Variants in BCAS1 observed in about 807,000 individuals in gnomAD.
BCAS1 encodes the protein breast carcinoma-amplified sequence 1.
In BCAS1, 46 loss-of-function variants were observed where a neutral mutation model predicts 65.4. The observed-to-expected ratio is 0.70, with a 90% CI of 0.55 to 0.90. BCAS1 has a LOEUF of 0.90. Among genes scored for constraint, BCAS1 ranks in the 40% least tolerant of loss-of-function variants. The pLI is 0.00. For missense variants in BCAS1, 793 were observed against 771.2 expected (o/e 1.03, Z -0.33); for synonymous variants, 298 against 293.5 (o/e 1.02, Z -0.16).
chr20:54,055,691 A>G (rs2092287070), intron 3 of BCAS1, among the ~76,000 whole-genome samples: 1 of 152,220 alleles, frequency 6.6e-6, no homozygotes, highest in Non-Finnish European at 1.5e-5. Flanking sequence ...TCAAAGTGGT[A>G]GCTGTAGCCC....
In BCAS1 at chr20:53,995,909, T is replaced by C. The variant is rs759239287; in HGVS notation, c.865A>G (p.Ser289Gly). 5.6e-6 allele frequency: 9 copies of C among 1,607,148 alleles called. No homozygotes were observed. In the Middle Eastern group the frequency reaches 6.6e-4, roughly 118 times the overall value. ...AIAENNNSIM[S>G]FFKTLVSPNK... ...CTGCTTACCAGAGTTTTAAAGAAACTCATGATGGAATTATTATTCTCTGCT... is the reference window on the plus strand; with the variant it reads ...CTGCTTACCAGAGTTTTAAAGAAACCCATGATGGAATTATTATTCTCTGCT... The change falls in exon 5 of 13, where the codon AGT becomes GGT. Residue 289 changes from serine to glycine, a missense_variant. By Grantham distance (56) the Ser-to-Gly change is moderately conservative. Coordinates refer to ENST00000688948, the MANE Select transcript of BCAS1 (RefSeq NM_001366298.2).
chr20:54,032,573 G>A (rs916106728), intron 3 of BCAS1, among the ~76,000 whole-genome samples: 1 of 151,286 alleles, frequency 6.6e-6, no homozygotes, highest in Non-Finnish European at 1.5e-5. Context: ...CTGTCTTCAA[G>A]AGACCCATCT....
At chr20:53,984,908 C>A (rs902378155) in intron 8 of BCAS1, among the ~76,000 whole-genome samples, 1 of 152,108 alleles carries the variant, frequency 6.6e-6, no homozygotes, top group Non-Finnish European at 1.5e-5. Context: ...AGACAGACAG[C>A]CCCTAGGTAG....
intron 11 of BCAS1, among the ~76,000 whole-genome samples, chr20:53,954,945 T>A (rs1047171795): frequency 1.2e-4 from 19 of 152,212 alleles, no homozygotes; most frequent in African/African-American, 3.4e-4. Flanking sequence ...AATTAAATTT[T>A]AAAAAATGCA....
At chr20:53,981,664 G>A (rs911327029) in intron 8 of BCAS1, among the ~76,000 whole-genome samples, 1 of 151,680 alleles carries the variant, frequency 6.6e-6, no homozygotes, top group Non-Finnish European at 1.5e-5. Context: ...TAAACAGTCA[G>A]TAACTGTCAG....
At position 54,017,399 on chromosome 20, in the gene BCAS1, C is replaced by CTTTTCT. The variant is rs1158392009; in HGVS notation, c.723+10992_723+10993insAGAAAA. ...CCTTATGTGTGATTTTTTTTCTTTT[C>CTTTTCT]TTTTTTTTTTTTTTGAGGTGGAGTC... On this transcript the variant is annotated intron_variant, in intron 4 of 12. Coordinates refer to ENST00000688948, the MANE Select transcript of BCAS1 (RefSeq NM_001366298.2). 3.5e-3 allele frequency among the ~76,000 whole-genome samples: 422 copies of CTTTTCT among 121,738 alleles called. 2 individuals are homozygous for CTTTTCT. The highest frequency in any genetic ancestry group is 0.012 in the African/African-American group (403 of 32,510). 79.9% of individuals were successfully genotyped at this position (121,738 alleles called of 152,430 possible). A position where few individuals can be genotyped will look rare whatever the true frequency, so the allele number is the denominator to read the frequency against.
intron 7 of BCAS1, among the ~76,000 whole-genome samples, chr20:53,986,215 CCTTCCCTCTGTCTT>C (rs1311655347): frequency 6.6e-6 from 1 of 152,184 alleles, no homozygotes; most frequent in African/African-American, 2.4e-5. Flanking sequence ...TCCTCCGCCT[CCTTCCCTCTGTCTT>C]TTTCTCTCTC....
chr20:53,960,294 C>T (rs2089834815), intron 10 of BCAS1, among the ~76,000 whole-genome samples: 1 of 152,014 alleles, frequency 6.6e-6, no homozygotes, highest in Admixed American at 6.6e-5. Flanking sequence ...GGGACTCTGT[C>T]AATTTAAGGT....
chr20:54,066,544 T>G (rs2092446530), intron 1 of BCAS1, among the ~76,000 whole-genome samples: 1 of 152,240 alleles, frequency 6.6e-6, no homozygotes, highest in East Asian at 1.9e-4. Flanking sequence ...ATGTGGCCTC[T>G]AAGGAATCAA....
intron 6 of BCAS1, 45 bp from the exon 7 acceptor site, chr20:53,992,691 C>G (rs780896994): frequency 7.3e-7 from 1 of 1,361,082 alleles, no homozygotes; most frequent in South Asian, 1.1e-5. Context: ...TGTTTTTGAA[C>G]AAAATTCTTT....
intron 8 of BCAS1, among the ~76,000 whole-genome samples, chr20:53,980,640 C>T (rs1005353074): frequency 1.3e-5 from 2 of 152,250 alleles, no homozygotes; most frequent in African/African-American, 4.8e-5. Flanking sequence ...AACATCACAT[C>T]TGCCTTTGGG....
chr20:53,980,757 A>G (rs2090457267), intron 8 of BCAS1, among the ~76,000 whole-genome samples: 1 of 152,206 alleles, frequency 6.6e-6, no homozygotes, highest in Non-Finnish European at 1.5e-5. Context: ...TTGTATTTGT[A>G]TTAGGCATGG....
intron 3 of BCAS1, among the ~76,000 whole-genome samples, chr20:54,050,496 G>A (rs937673522): frequency 7.2e-5 from 11 of 152,202 alleles, no homozygotes; most frequent in Admixed American, 3.3e-4. Context: ...CCAAGAGGGC[G>A]AAAATGGTTC....
At chr20:53,972,918 G>T (rs1490722006) in intron 9 of BCAS1, among the ~76,000 whole-genome samples, 1 of 152,184 alleles carries the variant, frequency 6.6e-6, no homozygotes, top group Non-Finnish European at 1.5e-5. Context: ...CCCTCCAAGT[G>T]ATAGGCTGTC....
At chr20:53,995,108 T>C in intron 5 of BCAS1, 52 bp from the exon 6 acceptor site, 7 of 1,493,020 alleles carry the variant, frequency 4.7e-6, no homozygotes, top group Non-Finnish European at 4.7e-6. Flanking sequence ...TTTAGAGTGA[T>C]TTTTATTTCA....
intron 8 of BCAS1, among the ~76,000 whole-genome samples, chr20:53,982,345 C>T (rs1367216191): frequency 6.6e-6 from 1 of 152,198 alleles, no homozygotes; most frequent in Non-Finnish European, 1.5e-5. Context: ...GCATTTTAAA[C>T]ACGTTTTTGG....
intron 12 of BCAS1, among the ~76,000 whole-genome samples, chr20:53,950,472 A>AC (rs1020616054): frequency 3.4e-5 from 5 of 147,472 alleles, no homozygotes; most frequent in South Asian, 2.2e-4. Context: ...AGTAGCACAC[A>AC]CCCCCCCATC....
At position 54,003,540 on chromosome 20, in the gene BCAS1, A is replaced by G. The variant is rs1178544064; in HGVS notation, c.724-7490T>C. On this transcript the variant is annotated intron_variant, in intron 4 of 12. Coordinates refer to ENST00000688948, the MANE Select transcript of BCAS1 (RefSeq NM_001366298.2). The stretch of plus-strand genomic sequence containing the variant: ...GGTACTTAGATTATGCACTTAGACC[A>G]GCCTAACACCAAAGGCCAGGTTGGA... Among the ~76,000 whole-genome samples the G allele has an allele frequency of 4.6e-5, 7 of 152,356 alleles. No individual in the cohort carries two copies. In the East Asian group the frequency reaches 9.6e-4, roughly 21 times the overall value.
intron 8 of BCAS1, among the ~76,000 whole-genome samples, chr20:53,980,094 T>C (rs1415929941): frequency 6.6e-6 from 1 of 152,176 alleles, no homozygotes; most frequent in Admixed American, 6.5e-5. Flanking sequence ...AAAATCTTGA[T>C]GACCCAAGTA....
Sources: allele counts gnomAD v4.1 joint callset (sites outside exome capture counted in the v4.1 genomes callset), GRCh38; gene constraint gnomAD v4.1.1; transcripts MANE v1.5; gene names NCBI Gene and HGNC (gene_info 2026-07-23, HGNC 2026-07-21).